Variants in GREB1L observed in about 807,000 individuals in gnomAD.
GREB1L encodes GREB1 like retinoic acid receptor coactivator, also known as GREB1-like protein.
In GREB1L, 17 loss-of-function variants were observed where a neutral mutation model predicts 200.8. The observed-to-expected ratio is 0.08, with a 90% CI of 0.06 to 0.13. The LOEUF is 0.13. Ranked by LOEUF, GREB1L falls within the 10% of genes least tolerant of loss-of-function variation. The pLI, the probability that GREB1L is intolerant of heterozygous loss-of-function variation, is 1.00. For synonymous variants in GREB1L, 789 were observed against 893.0 expected (o/e 0.88, Z 2.08); for missense variants, 1,657 against 2,367.7 (o/e 0.70, Z 6.23).
chr18:21,460,096 G>C (rs149164215), intron 15 of GREB1L, among the ~76,000 whole-genome samples: 1 of 152,194 alleles, frequency 6.6e-6, no homozygotes, highest in Non-Finnish European at 1.5e-5. Flanking sequence ...TGTTCTCACT[G>C]TGTGGGGAAA....
intron 1 of GREB1L, among the ~76,000 whole-genome samples, chr18:21,249,742 C>G (rs1435718326): frequency 6.6e-6 from 1 of 151,940 alleles, no homozygotes; most frequent in Non-Finnish European, 1.5e-5. Flanking sequence ...TGCCTGTAAT[C>G]CCAGCTACTT....
At chr18:21,297,287 G>T (rs542036424) in intron 1 of GREB1L, among the ~76,000 whole-genome samples, 1 of 152,256 alleles carries the variant, frequency 6.6e-6, no homozygotes, top group African/African-American at 2.4e-5. Flanking sequence ...ATACTGGGCT[G>T]GGCATGAATT....
At chr18:21,522,018 G>GAAAAAAAAAAAAAA (rs2037610784) in intron 32 of GREB1L, among the ~76,000 whole-genome samples, 1 of 24,404 alleles carries the variant, frequency 4.1e-5, no homozygotes, top group Admixed American at 3.4e-4. Context: ...AAAAAAAAAG[G>GAAAAAAAAAAAAAA]TAAGACACAG....
chr18:21,468,693 A>G (rs916639624), intron 15 of GREB1L: 13 of 456,388 alleles, frequency 2.8e-5, no homozygotes, highest in South Asian at 6.2e-5. Flanking sequence ...GATCTCACCA[A>G]TCTTTCTCTT....
intron 1 of GREB1L, among the ~76,000 whole-genome samples, chr18:21,318,105 C>CAAAAAAAAAAAAAA (rs61304976): frequency 2.2e-5 from 2 of 89,666 alleles, no homozygotes; most frequent in Non-Finnish European, 4.8e-5. Context: ...GAGATTCCGT[C>CAAAAAAAAAAAAAA]AAAAAAAAAA....
chr18:21,459,246 A>G (rs2034919916), intron 15 of GREB1L, among the ~76,000 whole-genome samples: 1 of 148,002 alleles, frequency 6.8e-6, no homozygotes, highest in South Asian at 2.2e-4. Flanking sequence ...AGAGGAAGGC[A>G]TTCCCACTTT....
In GREB1L at chr18:21,508,275, A is replaced by T. The variant is rs1336205837; in HGVS notation, c.4526A>T (p.Asp1509Val). 5.8e-6 allele frequency: 9 copies of T among 1,551,672 alleles called. No individual in the cohort carries two copies. Among genetic ancestry groups the T allele is most frequent in the Non-Finnish European group, 7.8e-6 (9 of 1,147,022 alleles). Residue 1509 changes from aspartate to valine, a missense_variant, in exon 26 of 33, where the codon GAC (aspartate) becomes GTC (valine). Physicochemically the swap from Asp to Val is radical, Grantham distance 152. Coordinates refer to ENST00000424526, the MANE Select transcript of GREB1L (RefSeq NM_001142966.3). ...AGCATGCGGCTGCCCCTGGTTTCAG[A>T]CAAGGTGGGTGAGAGCATCTGGACT... Reference protein sequence around the residue: ...LESMRLPLVSDKNLNAVKSPI... With the variant: ...LESMRLPLVSVKNLNAVKSPI...
chr18:21,394,760 A>T (rs1430063592), intron 4 of GREB1L, among the ~76,000 whole-genome samples: 1 of 152,058 alleles, frequency 6.6e-6, no homozygotes, highest in African/African-American at 2.4e-5. Context: ...ATCGTATTAC[A>T]TGCACATAAA....
chr18:21,271,402 G>A (rs28504513), intron 1 of GREB1L, among the ~76,000 whole-genome samples: 4,062 of 151,790 alleles, frequency 0.027, 176 homozygotes, highest in African/African-American at 0.092. Flanking sequence ...ATCCCAGCGC[G>A]TTGAGAGGCC....
intron 7 of GREB1L, among the ~76,000 whole-genome samples, chr18:21,411,549 G>A (rs1381209124): frequency 6.6e-6 from 1 of 152,092 alleles, no homozygotes; most frequent in African/African-American, 2.4e-5. Flanking sequence ...AATATACACT[G>A]CTGGTAGGAG....
At chr18:21,475,982 AAAAAAAAAAAAAAAAGAGTC>A (rs2035682400) in intron 16 of GREB1L, among the ~76,000 whole-genome samples, 2 of 149,040 alleles carry the variant, frequency 1.3e-5, no homozygotes, top group Admixed American at 1.3e-4. Flanking sequence ...AAAAAAAAAA[AAAAAAAAAAAAAAAAGAGTC>A]AAATATGGAT....
At chr18:21,422,946 C>T (rs291782) in intron 7 of GREB1L, among the ~76,000 whole-genome samples, 84,940 of 151,668 alleles carry the variant, frequency 0.56, 26,450 homozygotes, top group African/African-American at 0.85. Context: ...TGTGTTTTTT[C>T]TTTAGACGGA....
In GREB1L at chr18:21,454,229, G is replaced by T. The variant is rs895386877; in HGVS notation, c.1985-137G>T. On this transcript the variant is annotated intron_variant, in intron 14 of 32. Transcript: ENST00000424526. ...CAAATCTATTAAAACTCAATAGAGA[G>T]TGCAAATAGCAGGTGAGAATTCGTA... 11 of 640,694 alleles carry T rather than the reference G, an allele frequency of 1.7e-5. No homozygotes were observed. In the Admixed American group the frequency reaches 2.3e-4, roughly 13 times the overall value. 39.7% of individuals were successfully genotyped at this position (640,694 alleles called of 1,614,324 possible).
At chr18:21,339,423 C>T (rs1235290651) in intron 1 of GREB1L, among the ~76,000 whole-genome samples, 2 of 152,074 alleles carry the variant, frequency 1.3e-5, no homozygotes. Flanking sequence ...GTTATTTCTC[C>T]CTTGAATTTT....
At chr18:21,303,166 T>G (rs2038646311) in intron 1 of GREB1L, among the ~76,000 whole-genome samples, 1 of 152,194 alleles carries the variant, frequency 6.6e-6, no homozygotes, top group Non-Finnish European at 1.5e-5. Context: ...TAGCATTACT[T>G]TCACTCTACA....
chr18:21,254,427 A>C (rs2037769075), intron 1 of GREB1L, among the ~76,000 whole-genome samples: 2 of 152,020 alleles, frequency 1.3e-5, no homozygotes, highest in Non-Finnish European at 2.9e-5. Flanking sequence ...CACGCGTATC[A>C]TTTTTAATCC....
rs2037657404 is a variant in GREB1L at position 21,524,805 on chromosome 18, T to TA, written c.*1985dup. 6.6e-6 allele frequency: 1 copy of TA among 152,074 alleles called. No individual in the cohort carries two copies. The highest frequency in any genetic ancestry group is 2.4e-5 in the African/African-American group (1 of 41,404). 9.4% of individuals were successfully genotyped at this position (152,074 alleles called of 1,614,324 possible). ...ATTATTATTATGAGCTCTTAAATAC[T>TA]ATTTAACTCTGGAAGAGATATGCCA... On this transcript the variant is annotated 3_prime_UTR_variant, in exon 33 of 33. Coordinates refer to ENST00000424526, the MANE Select transcript of GREB1L (RefSeq NM_001142966.3).
At chr18:21,273,505 A>G (rs536222664) in intron 1 of GREB1L, among the ~76,000 whole-genome samples, 16 of 152,200 alleles carry the variant, frequency 1.1e-4, no homozygotes, top group Admixed American at 8.5e-4. Context: ...CATTAATTCA[A>G]CCAACATTCA....
intron 1 of GREB1L, among the ~76,000 whole-genome samples, chr18:21,346,827 CTT>C (rs1179474966): frequency 6.6e-6 from 1 of 152,212 alleles, no homozygotes; most frequent in East Asian, 1.9e-4. Flanking sequence ...TTCTCTCTCT[CTT>C]CTCTGCCCCC....
Sources: gnomAD v4.1 joint callset for allele counts (sites outside exome capture counted in the v4.1 genomes callset) on GRCh38, gnomAD v4.1.1 for gene constraint, MANE v1.5 for transcripts, NCBI Gene and HGNC (gene_info 2026-07-23, HGNC 2026-07-21) for gene names.